Variants in COL4A4 observed in about 807,000 individuals in gnomAD.
COL4A4 encodes collagen type IV alpha 4 chain.
Under a neutral mutation model 192.9 loss-of-function variants are expected in COL4A4, and 105 were observed. That is an observed-to-expected ratio of 0.54 (90% confidence interval 0.46 to 0.64). The LOEUF (loss-of-function observed/expected upper bound fraction) is 0.64, where lower values mean the gene tolerates loss of function less well. Among genes scored for constraint, COL4A4 ranks in the 30% least tolerant of loss-of-function variants. COL4A4 has a pLI of 0.00. For missense variants in COL4A4, 1,967 were observed against 2,169.3 expected (o/e 0.91, Z 1.85); for synonymous variants, 762 against 769.9 (o/e 0.99, Z 0.17).
At chr2:227,119,448 T>TA (rs1231206613) in intron 6 of COL4A4, among the ~76,000 whole-genome samples, 1 of 149,216 alleles carries the variant, frequency 6.7e-6, no homozygotes, top group African/African-American at 2.4e-5. Flanking sequence ...ATATAAACTA[T>TA]ATGTAAGATA....
At chr2:227,130,775 T>A (rs1355580339) in intron 4 of COL4A4, among the ~76,000 whole-genome samples, 3 of 152,200 alleles carry the variant, frequency 2.0e-5, no homozygotes, top group Non-Finnish European at 4.4e-5. Flanking sequence ...CCCTGAAACG[T>A]GCTTCCTGAG....
At chr2:227,060,020 A>C in intron 27 of COL4A4, 116 bp downstream of exon 27, 80 of 692,828 alleles carry the variant, frequency 1.2e-4, no homozygotes, top group Non-Finnish European at 1.8e-4. Flanking sequence ...CCTATTATCT[A>C]GGGATCCCTG....
chr2:227,076,841 C>A (rs1327188382), intron 25 of COL4A4, among the ~76,000 whole-genome samples: 1 of 152,000 alleles, frequency 6.6e-6, no homozygotes, highest in Non-Finnish European at 1.5e-5. Context: ...GAACAGATAT[C>A]CTTCTTCTCA....
intron 44 of COL4A4, among the ~76,000 whole-genome samples, chr2:227,020,891 T>C (rs1965889922): frequency 6.7e-6 from 1 of 148,572 alleles, no homozygotes; most frequent in Non-Finnish European, 1.5e-5. Context: ...TTTTTTTTTT[T>C]TTTTTGAGAT....
intron 37 of COL4A4, among the ~76,000 whole-genome samples, chr2:227,041,764 AAGG>A (rs1434393034): frequency 1.2e-4 from 14 of 118,450 alleles, no homozygotes; most frequent in African/African-American, 4.8e-4. Context: ...GGAAGGAAGG[AAGG>A]AAGGAAGGAA....
intron 44 of COL4A4, among the ~76,000 whole-genome samples, chr2:227,016,450 C>T (rs573673436): frequency 5.9e-5 from 9 of 152,288 alleles, no homozygotes; most frequent in African/African-American, 2.2e-4. Context: ...ATTTACTGCC[C>T]ATTTTAGTAA....
At chr2:227,025,473 G>T (rs984607971) in intron 43 of COL4A4, among the ~76,000 whole-genome samples, 1 of 152,060 alleles carries the variant, frequency 6.6e-6, no homozygotes, top group Non-Finnish European at 1.5e-5. Flanking sequence ...TTATATTGTA[G>T]AATTTAAAAA....
At chr2:227,002,182 A>G (rs1961152922), downstream of COL4A4, among the ~76,000 whole-genome samples, 1 of 151,628 alleles carries the variant, frequency 6.6e-6, no homozygotes, top group Non-Finnish European at 1.5e-5. Flanking sequence ...AAAAAAAAAA[A>G]AAAAAAAAAG....
In COL4A4 at chr2:227,027,904, G is replaced by A. The variant is rs773111563; in HGVS notation, c.4079C>T (p.Pro1360Leu). ...CTGTATGTAGGTTGGAAGCTCACCC[G>A]GAAGACCAGTGGGCCCTTTTCTCCC... ...PPGRKGPTGL[P>L]GPRGEPGPPA... Residue 1360 changes from proline to leucine, a missense_variant and splice_region_variant, in exon 42 of 48, where the codon CCG (proline) becomes CTG (leucine). Coordinates refer to ENST00000396625, the MANE Select transcript of COL4A4 (RefSeq NM_000092.5). The A allele has an allele frequency of 5.0e-6, 8 of 1,608,846 alleles. No individual in the cohort carries two copies. Among genetic ancestry groups the A allele is most frequent in the Middle Eastern group, 1.7e-4 (1 of 6,048 alleles).
In COL4A4 at chr2:227,004,991, G is replaced by C. The variant is rs1357136761; in HGVS notation, c.*2334C>G. ...GCACATTGATATATAACCAGGTGAA[G>C]AAAATAATGGTTTAAGGTAACAGGA... On this transcript the variant is annotated 3_prime_UTR_variant, in exon 48 of 48. Coordinates refer to ENST00000396625, the MANE Select transcript of COL4A4 (RefSeq NM_000092.5). The C allele has an allele frequency of 1.3e-5, 2 of 152,188 alleles. No homozygotes were observed. The highest frequency in any genetic ancestry group is 2.9e-5 in the Non-Finnish European group (2 of 68,028). The allele number at this position is 152,188 out of a possible 1,614,324, so 9.4% of individuals were successfully genotyped here.
rs893936560 is a variant in COL4A4, at chr2:227,140,025, A to G, written c.192+136T>C. ...TAGTTGAGATTGCTATTAGAATGTG[A>G]AAAACTTCGGCTGTGAAATACATAA... On this transcript the variant is annotated intron_variant, in intron 4 of 47. Transcript: ENST00000396625. 3 of 749,500 alleles carry G rather than the reference A, an allele frequency of 4.0e-6. No individual in the cohort carries two copies. The Admixed American group carries it at 6.1e-5, about 15-fold the overall frequency. The allele number at this position is 749,500 out of a possible 1,614,324, so 46.4% of individuals were successfully genotyped here.
At chr2:227,020,880 CT>C (rs57119611) in intron 44 of COL4A4, among the ~76,000 whole-genome samples, 99 of 127,562 alleles carry the variant, frequency 7.8e-4, no homozygotes, top group Admixed American at 1.4e-3. Flanking sequence ...ACACTTTTTT[CT>C]TTTTTTTTTT....
chr2:226,971,364 T>C, the COL4A4 span, among the ~76,000 whole-genome samples: 1 of 152,224 alleles, frequency 6.6e-6, no homozygotes, highest in Admixed American at 6.5e-5. Flanking sequence ...GTCTGAACCC[T>C]TAGCGGGCTC....
chr2:227,149,843 T>G (rs978023330), intron 1 of COL4A4, among the ~76,000 whole-genome samples: 2 of 151,850 alleles, frequency 1.3e-5, no homozygotes, highest in African/African-American at 4.8e-5. Context: ...TCAGTACATT[T>G]TAATTGGATG....
chr2:227,022,821 A>C (rs911650795), intron 43 of COL4A4, among the ~76,000 whole-genome samples: 2 of 152,196 alleles, frequency 1.3e-5, no homozygotes, highest in African/African-American at 4.8e-5. Context: ...CATTGGCTGC[A>C]TAATAAACTC....
chr2:227,140,048 TA>T, intron 4 of COL4A4, 112 bp downstream of exon 4: 1 of 872,110 alleles, frequency 1.1e-6, no homozygotes, highest in South Asian at 1.4e-5. Context: ...GTGAAATACA[TA>T]AACATTATCG....
In COL4A4 at chr2:227,103,148, C is replaced by T. The variant is rs201724183; in HGVS notation, c.866G>A (p.Arg289His). ...GMVGLPGPPG[R>H]KGESGIGAKG... ...AAAGGTACTTAAATAAACTACCTTG[C>T]GTCCTGGTGGTCCTGGCAGTCCAAC... The change falls in exon 14 of 48, where the codon CGC becomes CAC. Residue 289 changes from arginine (R) to histidine (H), a missense_variant. Physicochemically the swap from Arg to His is conservative, Grantham distance 29. Transcript: ENST00000396625. The T allele has an allele frequency of 6.1e-5, 98 of 1,609,750 alleles. No individual in the cohort carries two copies. Among genetic ancestry groups the T allele is most frequent in the Admixed American group, 1.7e-4 (10 of 59,684 alleles).
At chr2:227,041,762 G>A (rs1970965889) in intron 37 of COL4A4, among the ~76,000 whole-genome samples, 1 of 117,570 alleles carries the variant, frequency 8.5e-6, no homozygotes, top group African/African-American at 3.5e-5. Flanking sequence ...AAGGAAGGAA[G>A]GAAGGAAGGA....
chr2:227,153,267 T>C (rs1271606280), intron 1 of COL4A4, among the ~76,000 whole-genome samples: 5 of 152,196 alleles, frequency 3.3e-5, no homozygotes, highest in African/African-American at 4.8e-5. Context: ...AGCCAAACCA[T>C]ATCATAACAG....
Sources: gnomAD v4.1 joint callset for allele counts (sites outside exome capture counted in the v4.1 genomes callset) on GRCh38, gnomAD v4.1.1 for gene constraint, MANE v1.5 for transcripts, NCBI Gene and HGNC (gene_info 2026-07-23, HGNC 2026-07-21) for gene names.